Variants in PRKD1 observed in about 807,000 individuals in gnomAD.
The protein encoded by PRKD1 is protein kinase D1.
PRKD1 carries 63 observed loss-of-function variants against 95.9 expected under a neutral mutation model. The ratio of observed to expected loss-of-function variants is 0.66; its 90% CI spans 0.54 to 0.81. The LOEUF is 0.81. Among genes scored for constraint, PRKD1 ranks in the 30% least tolerant of loss-of-function variants. PRKD1 has a pLI of 0.00. For missense variants in PRKD1, 1,048 were observed against 1,165.3 expected (o/e 0.90, Z 1.47); for synonymous variants, 425 against 423.1 (o/e 1.00, Z -0.05).
chr14:29,919,458 A>G (rs1359147715), intron 1 of PRKD1, among the ~76,000 whole-genome samples: 3 of 147,494 alleles, frequency 2.0e-5, no homozygotes, highest in African/African-American at 5.4e-5. Flanking sequence ...GACCAGAAAA[A>G]GTAAGAAACA....
At chr14:29,603,450 T>C (rs1271618030) in intron 13 of PRKD1, among the ~76,000 whole-genome samples, 1 of 152,218 alleles carries the variant, frequency 6.6e-6, no homozygotes, top group African/African-American at 2.4e-5. Flanking sequence ...AAACTTCTTA[T>C]ACTGCACTGA....
At chr14:29,832,521 G>A (rs939324121) in intron 1 of PRKD1, among the ~76,000 whole-genome samples, 3 of 151,892 alleles carry the variant, frequency 2.0e-5, no homozygotes, top group South Asian at 2.1e-4. Context: ...AGACTTTACT[G>A]GTGGTATAAA....
chr14:29,648,652 G>C (rs909201901), intron 4 of PRKD1, among the ~76,000 whole-genome samples: 6 of 152,028 alleles, frequency 3.9e-5, no homozygotes, highest in Admixed American at 2.6e-4. Context: ...TTATAAAACT[G>C]GCTGGGGCTT....
intron 1 of PRKD1, among the ~76,000 whole-genome samples, chr14:29,796,030 T>C (rs1889800335): frequency 6.6e-6 from 1 of 152,150 alleles, no homozygotes; most frequent in Non-Finnish European, 1.5e-5. Flanking sequence ...TATTGATATA[T>C]AAATAACAGT....
At chr14:29,580,567 T>C (rs1444642154) in intron 16 of PRKD1, among the ~76,000 whole-genome samples, 1 of 152,112 alleles carries the variant, frequency 6.6e-6, no homozygotes, top group Non-Finnish European at 1.5e-5. Flanking sequence ...GGGACCACGG[T>C]ATTAGTGAGA....
At chr14:29,848,724 T>A (rs898544378) in intron 1 of PRKD1, among the ~76,000 whole-genome samples, 3 of 151,550 alleles carry the variant, frequency 2.0e-5, no homozygotes, top group Non-Finnish European at 3.0e-5. Context: ...CAAACAAAAA[T>A]TAATTAACAG....
intron 1 of PRKD1, among the ~76,000 whole-genome samples, chr14:29,802,799 C>T (rs1336418181): frequency 2.0e-5 from 3 of 152,186 alleles, no homozygotes; most frequent in African/African-American, 7.2e-5. Flanking sequence ...GAGCAACTTT[C>T]CAGTTTCTGA....
chr14:29,832,329 T>C (rs1404938845), intron 1 of PRKD1, among the ~76,000 whole-genome samples: 11 of 152,256 alleles, frequency 7.2e-5, no homozygotes, highest in Admixed American at 7.2e-4. Context: ...ACAAGCATGT[T>C]AATTTAATTG....
chr14:29,595,874 C>A (rs1893279216), intron 16 of PRKD1, among the ~76,000 whole-genome samples: 1 of 152,178 alleles, frequency 6.6e-6, no homozygotes. Context: ...CAATATCAAG[C>A]ATAATGGTTA....
chr14:29,728,570 A>C (rs1886281114), intron 1 of PRKD1, among the ~76,000 whole-genome samples: 1 of 152,176 alleles, frequency 6.6e-6, no homozygotes, highest in Admixed American at 6.5e-5. Flanking sequence ...GGCTTATTAT[A>C]AAGTTTTTGA....
At chr14:29,636,172 T>C (rs888051443) in intron 7 of PRKD1, 118 bp downstream of exon 7, 27 of 1,249,192 alleles carry the variant, frequency 2.2e-5, no homozygotes, top group South Asian at 2.1e-4. Context: ...TTCATTCATA[T>C]AAAAGTAAAC....
chr14:29,823,971 C>G (rs1051718983), intron 1 of PRKD1, among the ~76,000 whole-genome samples: 2 of 152,078 alleles, frequency 1.3e-5, no homozygotes, highest in African/African-American at 4.8e-5. Context: ...AGAAACACCC[C>G]CTGTTCTCCA....
At chr14:29,808,570 T>G (rs1169756228) in intron 1 of PRKD1, among the ~76,000 whole-genome samples, 3 of 151,748 alleles carry the variant, frequency 2.0e-5, no homozygotes, top group African/African-American at 7.3e-5. Flanking sequence ...CAGCTAATTT[T>G]TGTATTTTTA....
At chr14:29,871,946 TAA>T (rs747482200) in intron 1 of PRKD1, among the ~76,000 whole-genome samples, 1 of 152,224 alleles carries the variant, frequency 6.6e-6, no homozygotes, top group Non-Finnish European at 1.5e-5. Flanking sequence ...GTGAAAGATG[TAA>T]AACACTCTTA....
chr14:29,609,116 A>C (rs182241936), intron 13 of PRKD1, among the ~76,000 whole-genome samples: 266 of 152,280 alleles, frequency 1.7e-3, no homozygotes, highest in Admixed American at 4.3e-3. Flanking sequence ...AAATTCTCAG[A>C]TCACTCCTAT....
intron 1 of PRKD1, among the ~76,000 whole-genome samples, chr14:29,786,710 T>G (rs1315979056): frequency 6.6e-6 from 1 of 152,106 alleles, no homozygotes; most frequent in Non-Finnish European, 1.5e-5. Context: ...CTAATTTTAT[T>G]TATTTGGGTT....
chr14:29,784,103 G>A (rs960208522), intron 1 of PRKD1, among the ~76,000 whole-genome samples: 17 of 152,102 alleles, frequency 1.1e-4, no homozygotes, highest in Admixed American at 6.6e-4. Context: ...ATAGTTTCAG[G>A]TCTTATATTT....
chr14:29,814,379 C>A (rs7152030), intron 1 of PRKD1, among the ~76,000 whole-genome samples: 1 of 152,180 alleles, frequency 6.6e-6, no homozygotes, highest in African/African-American at 2.4e-5. Context: ...CACTTAAGAA[C>A]CTCCCAAGGC....
chr14:29,606,984 A>G (rs1444318707), intron 13 of PRKD1, among the ~76,000 whole-genome samples: 1 of 152,168 alleles, frequency 6.6e-6, no homozygotes, highest in African/African-American at 2.4e-5. Context: ...AAACTCTCTG[A>G]GGTGCTTCCA....
Sources: gnomAD v4.1 joint callset for allele counts (sites outside exome capture counted in the v4.1 genomes callset) on GRCh38, gnomAD v4.1.1 for gene constraint, MANE v1.5 for transcripts, NCBI Gene and HGNC (gene_info 2026-07-23, HGNC 2026-07-21) for gene names.